AUH: variants seen among roughly 807,000 people sequenced by gnomAD.
AUH encodes the protein AU RNA binding methylglutaconyl-CoA hydratase.
AUH carries 29 observed loss-of-function variants against 42.3 expected under a neutral mutation model. The observed-to-expected ratio is 0.69, with a 90% confidence interval of 0.51 to 0.93. AUH has a LOEUF of 0.93. Among genes scored for constraint, AUH ranks in the 40% least tolerant of loss-of-function variants. The probability of loss-of-function intolerance (pLI) is 0.00; values close to 1 mark genes in which losing one functional copy is unlikely to be tolerated. For missense variants in AUH, 452 were observed against 438.1 expected (o/e 1.03, Z -0.28); for synonymous variants, 174 against 166.4 (o/e 1.05, Z -0.35).
intron 6 of AUH, among the ~76,000 whole-genome samples, chr9:91,273,732 A>C (rs1377833018): frequency 6.6e-6 from 1 of 152,186 alleles, no homozygotes; most frequent in Admixed American, 6.5e-5. Context: ...ATAATTACAC[A>C]GTGGCCCCCA....
intron 3 of AUH, among the ~76,000 whole-genome samples, chr9:91,332,558 G>A (rs951764145): frequency 3.9e-5 from 6 of 152,124 alleles, no homozygotes; most frequent in African/African-American, 1.4e-4. Context: ...ACTGAAGAAT[G>A]AGGAGGTTCA....
At chr9:91,283,958 C>T (rs896680691) in intron 6 of AUH, among the ~76,000 whole-genome samples, 3 of 151,284 alleles carry the variant, frequency 2.0e-5, no homozygotes, top group African/African-American at 7.3e-5. Flanking sequence ...TTAGAAAAAA[C>T]TACTTTAAAG....
chr9:91,298,258 ATTACT>A (rs1367243652), intron 4 of AUH, among the ~76,000 whole-genome samples, 182 bp from the exon 5 acceptor site: 4 of 152,212 alleles, frequency 2.6e-5, no homozygotes, highest in African/African-American at 9.7e-5. Flanking sequence ...ACATTATATA[ATTACT>A]GTATAGTGTT....
intron 6 of AUH, among the ~76,000 whole-genome samples, chr9:91,267,261 T>C (rs767505133): frequency 4.9e-4 from 74 of 152,272 alleles, no homozygotes; most frequent in Non-Finnish European, 8.4e-4. Flanking sequence ...GCAATACAGA[T>C]ACTATCATCA....
Position 91,217,288 on chromosome 9 carries a change from G to C in AUH, c.883C>G (p.Gln295Glu), listed in dbSNP as rs758771631. 6.2e-7 allele frequency: 1 copy of C among 1,613,678 alleles called. No individual in the cohort carries two copies. The highest frequency in any genetic ancestry group is 8.5e-7 in the Non-Finnish European group (1 of 1,179,742). The change falls in exon 8 of 10, where the codon CAA (glutamine) becomes GAA (glutamate). Residue 295 changes from glutamine (Q) to glutamate (E), a missense_variant. Gln to Glu is a conservative substitution (Grantham distance 29). Transcript: ENST00000375731. ...ATTAAGGAACCTACCTCCATCCCTT[G>C]ATTAATTGCTAATTTTGCCACTCTC... The part of the protein sequence containing the change: ...AMRVAKLAIN[Q>E]GMEVDLVTGL...
chr9:91,252,715 G>T (rs2131394990), intron 6 of AUH, among the ~76,000 whole-genome samples: 1 of 152,316 alleles, frequency 6.6e-6, no homozygotes, highest in Non-Finnish European at 1.5e-5. Flanking sequence ...GGTATCAGTG[G>T]ATGTGGATAT....
intron 1 of AUH, 77 bp downstream of exon 1, chr9:91,361,551 G>A (rs1000559757): frequency 5.3e-5 from 80 of 1,521,046 alleles, no homozygotes; most frequent in Non-Finnish European, 6.0e-5. Context: ...TCCTGCCGGC[G>A]GACGCTGCAC....
intron 4 of AUH, among the ~76,000 whole-genome samples, chr9:91,311,384 A>G (rs1828689454): frequency 6.6e-6 from 1 of 152,224 alleles, no homozygotes; most frequent in Non-Finnish European, 1.5e-5. Flanking sequence ...TCATCAGAGA[A>G]AGAAAAAGAA....
rs565968150 is a variant in AUH at position 91,281,601 on chromosome 9, T to C, written c.655+14420A>G. ...AACACGTCCAAAACAATATTCTTGA[T>C]TGTCACTTCCCAACTTGCTTTTTGA... is the stretch of plus-strand genomic sequence containing the variant. On this transcript the variant is annotated intron_variant, in intron 6 of 9. Coordinates refer to ENST00000375731, the MANE Select transcript of AUH (RefSeq NM_001698.3). 1.1e-4 allele frequency among the ~76,000 whole-genome samples: 16 copies of C among 152,350 alleles called. No homozygotes were observed. In the South Asian group the frequency reaches 3.1e-3, roughly 30 times the overall value.
chr9:91,242,741 A>C (rs1020351071), intron 6 of AUH, among the ~76,000 whole-genome samples: 8 of 152,234 alleles, frequency 5.3e-5, no homozygotes, highest in Non-Finnish European at 1.0e-4. Context: ...TTAAGATGTA[A>C]GTGAGAAATC....
intron 3 of AUH, among the ~76,000 whole-genome samples, chr9:91,334,040 T>C (rs755839460): frequency 3.3e-5 from 5 of 152,092 alleles, no homozygotes; most frequent in Non-Finnish European, 7.4e-5. Flanking sequence ...ACAGACCCTT[T>C]ATGTATTAGA....
intron 4 of AUH, among the ~76,000 whole-genome samples, chr9:91,302,327 C>T (rs1247768160): frequency 2.6e-5 from 4 of 151,964 alleles, no homozygotes; most frequent in South Asian, 2.1e-4. Flanking sequence ...AATTGGCTCA[C>T]GCCTGTAATC....
At chr9:91,259,571 A>G (rs1829597832) in intron 6 of AUH, among the ~76,000 whole-genome samples, 1 of 152,090 alleles carries the variant, frequency 6.6e-6, no homozygotes. Context: ...CTAAGATTTT[A>G]AAGTTATAAT....
intron 4 of AUH, among the ~76,000 whole-genome samples, chr9:91,300,396 T>C (rs557411453): frequency 3.3e-5 from 5 of 152,328 alleles, no homozygotes; most frequent in South Asian, 4.1e-4. Flanking sequence ...TTTCAGTTAG[T>C]AGCACCTCCA....
At chr9:91,240,610 A>T (rs1445302122) in intron 6 of AUH, among the ~76,000 whole-genome samples, 1 of 152,114 alleles carries the variant, frequency 6.6e-6, no homozygotes, top group Non-Finnish European at 1.5e-5. Context: ...CACTAGCCAC[A>T]TGTGGCTACT....
At chr9:91,293,872 A>T (rs1467840369) in intron 6 of AUH, among the ~76,000 whole-genome samples, 1 of 152,226 alleles carries the variant, frequency 6.6e-6, no homozygotes, top group Non-Finnish European at 1.5e-5. Flanking sequence ...GCTTCAAAGG[A>T]CAGACTGACT....
chr9:91,302,173 A>G (rs934861727), intron 4 of AUH, among the ~76,000 whole-genome samples: 3 of 147,260 alleles, frequency 2.0e-5, no homozygotes, highest in Non-Finnish European at 4.5e-5. Context: ...GCACTTAATA[A>G]TCAAAGAGGG....
Position 91,216,104 on chromosome 9 carries a change from G to A in AUH, c.897C>T (p.Val299=). The part of the protein sequence containing the change: ...AKLAINQGME[V]DLVTGLAIEE... ...CTATGGCTAACCCTGTTACTAAATC[G>A]ACCTGAGAATAAAAACATAATCCAT... is the stretch of plus-strand genomic sequence containing the variant. Residue 299 remains valine (V), a splice_region_variant and synonymous_variant, in exon 9 of 10, where the codon GTC becomes GTT. Transcript: ENST00000375731. 5.0e-6 allele frequency: 8 copies of A among 1,612,350 alleles called. No individual in the cohort carries two copies. The highest frequency in any genetic ancestry group is 6.8e-6 in the Non-Finnish European group (8 of 1,178,982).
chr9:91,342,553 G>T (rs999148735), intron 3 of AUH, among the ~76,000 whole-genome samples: 3 of 152,140 alleles, frequency 2.0e-5, no homozygotes, highest in African/African-American at 7.2e-5. Context: ...GCTGTGTGGG[G>T]AAAGGGCAAG....
Sources: allele counts gnomAD v4.1 joint callset (sites outside exome capture counted in the v4.1 genomes callset), GRCh38; gene constraint gnomAD v4.1.1; transcripts MANE v1.5; gene names NCBI Gene and HGNC (gene_info 2026-07-23, HGNC 2026-07-21).